The following CADPS2 variants were observed in gnomAD, a reference collection of about 807,000 sequenced individuals.
CADPS2 encodes the protein calcium-dependent secretion activator 2.
CADPS2 carries 93 observed loss-of-function variants against 172.5 expected under a neutral mutation model. The observed-to-expected ratio is 0.54, with a 90% confidence interval of 0.46 to 0.64. The LOEUF (loss-of-function observed/expected upper bound fraction) is 0.64, where lower values mean the gene tolerates loss of function less well. Ranked by LOEUF, CADPS2 falls within the 30% of genes least tolerant of loss-of-function variation. The probability of loss-of-function intolerance (pLI) is 0.00; values close to 1 mark genes in which losing one functional copy is unlikely to be tolerated. For synonymous variants in CADPS2, 546 were observed against 555.2 expected (o/e 0.98, Z 0.23); for missense variants, 1,420 against 1,565.9 (o/e 0.91, Z 1.57).
intron 1 of CADPS2, among the ~76,000 whole-genome samples, chr7:122,763,818 T>C (rs1262116185): frequency 6.6e-6 from 1 of 152,168 alleles, no homozygotes; most frequent in Non-Finnish European, 1.5e-5. Context: ...AACATCACCA[T>C]TTCTGAGATC....
chr7:122,818,865 T>C (rs1329201530), intron 1 of CADPS2, among the ~76,000 whole-genome samples: 2 of 152,204 alleles, frequency 1.3e-5, no homozygotes, highest in Non-Finnish European at 2.9e-5. Flanking sequence ...GCCCAGCTCA[T>C]GACTTGTTTG....
At position 122,728,229 on chromosome 7, in the gene CADPS2, C is replaced by CCAAG. The variant is rs1282181534; in HGVS notation, c.453+8722_453+8725dup. On this transcript the variant is annotated intron_variant, in intron 2 of 29. Transcript: ENST00000449022. ...CTCTCTCTAGCTTACAAACATAAGACCAAGCAATGCAGTATATCTATCAAG... is the reference window on the plus strand; with the variant it reads ...CTCTCTCTAGCTTACAAACATAAGACCAAGCAAGCAATGCAGTATATCTATCAAG... 4.0e-5 allele frequency among the ~76,000 whole-genome samples: 6 copies of CCAAG among 151,724 alleles called. No homozygotes were observed. The South Asian group carries it at 1.3e-3, about 32-fold the overall frequency.
rs572307098 is a variant in CADPS2, at chr7:122,828,514, T to A, written c.339+57485A>T. 2.4e-4 allele frequency among the ~76,000 whole-genome samples: 37 copies of A among 152,314 alleles called. No homozygotes were observed. In the South Asian group the frequency reaches 6.0e-3, roughly 25 times the overall value. ...TCTTTGCCTTCATCACTTTAAAATA[T>A]CATTGTCTTGAGTATTATATGGCAC... On this transcript the variant is annotated intron_variant, in intron 1 of 29. Transcript: ENST00000449022.
intron 2 of CADPS2, among the ~76,000 whole-genome samples, chr7:122,697,539 T>C (rs1287398846): frequency 1.3e-5 from 2 of 152,146 alleles, no homozygotes; most frequent in Non-Finnish European, 2.9e-5. Context: ...TACATATAAA[T>C]ATACATATGT....
chr7:122,574,523 T>A (rs532494661), intron 7 of CADPS2, among the ~76,000 whole-genome samples: 1 of 149,400 alleles, frequency 6.7e-6, no homozygotes, highest in Non-Finnish European at 1.5e-5. Flanking sequence ...AGTTTCTAAA[T>A]TCCATCATCA....
intron 22 of CADPS2, among the ~76,000 whole-genome samples, chr7:122,392,115 A>T (rs974819448): frequency 6.6e-6 from 1 of 152,134 alleles, no homozygotes; most frequent in Non-Finnish European, 1.5e-5. Flanking sequence ...TCTCATGATT[A>T]TTCTTTCTAG....
intron 4 of CADPS2, among the ~76,000 whole-genome samples, chr7:122,626,463 G>A (rs1441607045): frequency 6.6e-6 from 1 of 152,142 alleles, no homozygotes; most frequent in Non-Finnish European, 1.5e-5. Context: ...TTTTTGGCCT[G>A]AATATCTGGA....
intron 2 of CADPS2, among the ~76,000 whole-genome samples, chr7:122,705,923 A>ATATAT (rs1564125004): frequency 0.079 from 76 of 964 alleles, 21 homozygotes; most frequent in African/African-American, 0.11. Context: ...ATATAATATA[A>ATATAT]TATATAATAT....
intron 1 of CADPS2, among the ~76,000 whole-genome samples, chr7:122,769,825 G>A (rs1196122032): frequency 6.6e-6 from 1 of 152,054 alleles, no homozygotes; most frequent in African/African-American, 2.4e-5. Flanking sequence ...ATTTTCTGAG[G>A]TTCCTTTCTT....
At chr7:122,565,037 T>G (rs1308918324) in intron 7 of CADPS2, among the ~76,000 whole-genome samples, 1 of 151,680 alleles carries the variant, frequency 6.6e-6, no homozygotes, top group African/African-American at 2.4e-5. Context: ...CATAGATATA[T>G]GGAGAGGAAG....
At chr7:122,752,717 C>A (rs1264547301) in intron 1 of CADPS2, among the ~76,000 whole-genome samples, 1 of 152,134 alleles carries the variant, frequency 6.6e-6, no homozygotes, top group African/African-American at 2.4e-5. Context: ...CTTCAGAACT[C>A]TTTCCCTGTG....
intron 1 of CADPS2, among the ~76,000 whole-genome samples, chr7:122,870,423 G>A (rs1819466280): frequency 6.6e-6 from 1 of 151,972 alleles, no homozygotes; most frequent in South Asian, 2.1e-4. Flanking sequence ...GTAAATATAT[G>A]TGCATAGAAA....
chr7:122,838,663 G>A (rs1190908505), intron 1 of CADPS2, among the ~76,000 whole-genome samples: 1 of 152,130 alleles, frequency 6.6e-6, no homozygotes, highest in African/African-American at 2.4e-5. Flanking sequence ...AATCATGAGT[G>A]AACTCCCATT....
intron 3 of CADPS2, among the ~76,000 whole-genome samples, chr7:122,658,454 C>T (rs1054221347): frequency 6.6e-6 from 1 of 152,124 alleles, no homozygotes; most frequent in African/African-American, 2.4e-5. Context: ...TTTATTGAGG[C>T]ACTATTCACA....
intron 7 of CADPS2, among the ~76,000 whole-genome samples, chr7:122,572,311 C>T (rs1187446811): frequency 1.3e-5 from 2 of 152,162 alleles, no homozygotes; most frequent in African/African-American, 4.8e-5. Context: ...AGTTATCCTT[C>T]CTCCTTAAAT....
chr7:122,627,367 C>A (rs2076180493), intron 4 of CADPS2, among the ~76,000 whole-genome samples: 2 of 152,196 alleles, frequency 1.3e-5, no homozygotes, highest in African/African-American at 4.8e-5. Flanking sequence ...AGCAATTAAA[C>A]CTGCTCAATC....
In CADPS2 at chr7:122,800,369, C is replaced by T. The variant is rs1267905052; in HGVS notation, c.340-63301G>A. On this transcript the variant is annotated intron_variant, in intron 1 of 29. Coordinates refer to ENST00000449022, the MANE Select transcript of CADPS2 (RefSeq NM_017954.11). ...ATACATTATTAGAGAGAAAATTTTA[C>T]CTCATAAACAGATAAGCTTTTAAAA... 4.6e-5 allele frequency among the ~76,000 whole-genome samples: 7 copies of T among 152,118 alleles called. No homozygotes were observed. The South Asian group carries it at 1.4e-3, about 31-fold the overall frequency.
At chr7:122,748,352 G>A (rs539969251) in intron 1 of CADPS2, among the ~76,000 whole-genome samples, 2 of 152,106 alleles carry the variant, frequency 1.3e-5, no homozygotes, top group Admixed American at 6.6e-5. Flanking sequence ...TCACTCTCAC[G>A]CAGGAAGAAC....
chr7:122,717,922 C>T (rs1320865874), intron 2 of CADPS2, among the ~76,000 whole-genome samples: 3 of 151,066 alleles, frequency 2.0e-5, no homozygotes, highest in Non-Finnish European at 2.9e-5. Context: ...TGATCCTCTG[C>T]TTCAGCCTCC....
Sources: allele counts gnomAD v4.1 joint callset (sites outside exome capture counted in the v4.1 genomes callset), GRCh38; gene constraint gnomAD v4.1.1; transcripts MANE v1.5; gene names NCBI Gene and HGNC (gene_info 2026-07-23, HGNC 2026-07-21).